Variants in RGS12 observed in about 807,000 individuals in gnomAD.
The protein encoded by RGS12 is regulator of G-protein signaling 12.
RGS12 carries 66 observed loss-of-function variants against 120.1 expected under a neutral mutation model. That is an observed-to-expected ratio of 0.55 (90% CI 0.45 to 0.67). The LOEUF (loss-of-function observed/expected upper bound fraction) is 0.67, where lower values mean the gene tolerates loss of function less well. Among genes scored for constraint, RGS12 ranks in the 30% least tolerant of loss-of-function variants. The probability of loss-of-function intolerance (pLI) is 0.00; values close to 1 mark genes in which losing one functional copy is unlikely to be tolerated. For missense variants in RGS12, 1,859 were observed against 1,957.7 expected (o/e 0.95, Z 0.95); for synonymous variants, 827 against 804.7 (o/e 1.03, Z -0.47).
At chr4:3,435,750 C>A (rs1577112802) in intron 17 of RGS12, among the ~76,000 whole-genome samples, 1 of 152,048 alleles carries the variant, frequency 6.6e-6, no homozygotes, top group South Asian at 2.1e-4. Flanking sequence ...CCCTCCTCCC[C>A]TGAAGTGTCT....
intron 3 of RGS12, among the ~76,000 whole-genome samples, chr4:3,354,856 G>A (rs1442562301): frequency 1.3e-5 from 2 of 152,162 alleles, no homozygotes; most frequent in South Asian, 2.1e-4. Context: ...GGACGTCAAA[G>A]CTAGGCAATA....
chr4:3,392,154 T>C (rs1333826238), intron 4 of RGS12, among the ~76,000 whole-genome samples: 2 of 152,152 alleles, frequency 1.3e-5, no homozygotes, highest in South Asian at 4.1e-4. Flanking sequence ...TCAAGGGCTT[T>C]TCTCAGGGAC....
Position 3,316,456 on chromosome 4 carries a change from G to A in RGS12, c.286G>A (p.Ala96Thr). Residue 96 changes from alanine to threonine, a missense_variant, in exon 2 of 18, where the codon GCT (alanine) becomes ACT (threonine). Physicochemically the swap from Ala to Thr is moderately conservative, Grantham distance 58. This residue lies in a region of RGS12 where 967 missense variants were observed against 994.2 expected (regional missense o/e 0.97). Transcript: ENST00000336727. ...KCSGVLHMVI[A>T]EGVGRFESCS... ...CTCTGGTGTCCTTCACATGGTGATT[G>A]CTGAAGGCGTCGGCCGCTTCGAATC... The A allele has an allele frequency of 6.2e-7, 1 of 1,614,192 alleles. No individual in the cohort carries two copies. Among genetic ancestry groups the A allele is most frequent in the Non-Finnish European group, 8.5e-7 (1 of 1,180,042 alleles).
At chr4:3,437,377 G>A (rs575756125) in intron 17 of RGS12, among the ~76,000 whole-genome samples, 2 of 152,210 alleles carry the variant, frequency 1.3e-5, no homozygotes, top group Non-Finnish European at 2.9e-5. Context: ...GCGGGGTAGA[G>A]CCGGGCTTCT....
At chr4:3,428,229 C>T (rs757520990) in intron 15 of RGS12, 60 bp downstream of exon 15, 54 of 1,430,024 alleles carry the variant, frequency 3.8e-5, no homozygotes, top group Non-Finnish European at 5.1e-5. Flanking sequence ...CCCCGCCTGC[C>T]CTGCGCAGTG....
intron 16 of RGS12, among the ~76,000 whole-genome samples, chr4:3,430,124 G>T (rs1285858317): frequency 6.6e-6 from 1 of 152,230 alleles, no homozygotes; most frequent in Non-Finnish European, 1.5e-5. Flanking sequence ...TAACCGTGTT[G>T]AGTCAAGCGT....
Position 3,408,971 on chromosome 4 carries a change from C to A in RGS12, c.2021-5101C>A, listed in dbSNP as rs535838848. On this transcript the variant is annotated intron_variant, in intron 4 of 17. Transcript: ENST00000336727. ...GGGAGCAATTGGCAAGGTGACGCCT[C>A]CTGTCTTTGCAATACCAGAGAAGAG... Among the ~76,000 whole-genome samples the A allele has an allele frequency of 5.2e-4, 79 of 152,330 alleles. 4 individuals carry two copies. The South Asian group carries it at 0.013, about 26-fold the overall frequency.
chr4:3,364,274 C>G (rs1363260736), intron 3 of RGS12, among the ~76,000 whole-genome samples: 2 of 152,136 alleles, frequency 1.3e-5, no homozygotes, highest in Non-Finnish European at 2.9e-5. Flanking sequence ...GGGCTCGTTA[C>G]GTCCATCTGC....
rs144840719 is a variant in RGS12, at chr4:3,394,211, A to G, written c.2020+7774A>G. Among the ~76,000 whole-genome samples, 1,413 of 151,578 alleles carry G rather than the reference A, an allele frequency of 9.3e-3. 24 individuals carry two copies. Among genetic ancestry groups the G allele is most frequent in the African/African-American group, 0.032 (1,335 of 41,290 alleles). ...AGAGTCTCGCTCTGTCACCCAGGCT[A>G]GAGTACAGTGGTGCAATCTTGACTC... On this transcript the variant is annotated intron_variant, in intron 4 of 17. Coordinates refer to ENST00000336727, the MANE Select transcript of RGS12 (RefSeq NM_001394154.1).
At chr4:3,377,627 A>G (rs1212449883) in intron 3 of RGS12, among the ~76,000 whole-genome samples, 2 of 152,244 alleles carry the variant, frequency 1.3e-5, no homozygotes, top group Non-Finnish European at 2.9e-5. Context: ...TGTTACTAAC[A>G]ATAAACCTTA....
At chr4:3,323,198 G>A (rs1725319777) in intron 2 of RGS12, among the ~76,000 whole-genome samples, 1 of 152,268 alleles carries the variant, frequency 6.6e-6, no homozygotes, top group African/African-American at 2.4e-5. Context: ...GCCTCTCCCG[G>A]GAGGGGTGCC....
At chr4:3,323,062 A>G (rs1725303356) in intron 2 of RGS12, among the ~76,000 whole-genome samples, 1 of 152,236 alleles carries the variant, frequency 6.6e-6, no homozygotes, top group African/African-American at 2.4e-5. Context: ...GCGCTCATAA[A>G]AAAGGCAAAA....
At chr4:3,391,400 C>G (rs35563310) in intron 4 of RGS12, among the ~76,000 whole-genome samples, 50,812 of 152,016 alleles carry the variant, frequency 0.33, 8,957 homozygotes, top group South Asian at 0.5. Flanking sequence ...TTCAAGCAAA[C>G]AAATTCAAAG....
intron 1 of RGS12, among the ~76,000 whole-genome samples, chr4:3,308,899 G>T (rs1578689996): frequency 6.6e-6 from 1 of 152,368 alleles, no homozygotes; most frequent in East Asian, 1.9e-4. Context: ...GGTCTTCCTG[G>T]AAGGGACTGT....
chr4:3,303,050 G>A lies in RGS12; in HGVS notation c.-102+9951G>A, dbSNP rs529387857. The stretch of plus-strand genomic sequence containing the variant: ...CGAGACAGTTCTTGAATGAATAAAC[G>A]AATGAATGAGTGAGCAGGAAAATCA... On this transcript the variant is annotated intron_variant, in intron 1 of 17. Transcript: ENST00000336727. Among the ~76,000 whole-genome samples, 7 of 152,260 alleles carry A rather than the reference G, an allele frequency of 4.6e-5. No individual in the cohort carries two copies. In the East Asian group the frequency reaches 1.2e-3, roughly 25 times the overall value.
intron 1 of RGS12, chr4:3,314,061 C>A (rs1724578580): frequency 6.6e-6 from 1 of 150,838 alleles, no homozygotes; most frequent in Admixed American, 6.6e-5. Flanking sequence ...TTTTTAAATT[C>A]ATTTTTTAAT....
chr4:3,360,090 G>C (rs1338188560), intron 3 of RGS12, among the ~76,000 whole-genome samples: 2 of 152,088 alleles, frequency 1.3e-5, no homozygotes, highest in Non-Finnish European at 2.9e-5. Context: ...ATTTGGTCTT[G>C]GTAGGTTTTG....
intron 4 of RGS12, chr4:3,407,714 T>C (rs1721303990): frequency 6.6e-6 from 1 of 152,236 alleles, no homozygotes; most frequent in Non-Finnish European, 1.5e-5. Context: ...GTGACGTGTT[T>C]CGTGATCTGA....
chr4:3,307,795 T>C (rs1417784294), intron 1 of RGS12, among the ~76,000 whole-genome samples: 2 of 152,260 alleles, frequency 1.3e-5, no homozygotes, highest in Non-Finnish European at 2.9e-5. Context: ...TTAAGTGCCC[T>C]GGTGTTTGGG....
Sources: allele counts gnomAD v4.1 joint callset (sites outside exome capture counted in the v4.1 genomes callset), GRCh38; gene constraint gnomAD v4.1.1; regional missense constraint gnomAD v4.1.1; transcripts MANE v1.5; gene names NCBI Gene and HGNC (gene_info 2026-07-23, HGNC 2026-07-21).